HDAC4: variants seen among roughly 807,000 people sequenced by gnomAD.
HDAC4 encodes the protein histone deacetylase A.
Under a neutral mutation model 135.1 loss-of-function variants are expected in HDAC4, and 16 were observed. The ratio of observed to expected loss-of-function variants is 0.12; its 90% CI spans 0.08 to 0.18. The LOEUF is 0.18. HDAC4 is among the 10% of genes least tolerant of loss of function. The pLI, the probability that HDAC4 is intolerant of heterozygous loss-of-function variation, is 1.00. For synonymous variants in HDAC4, 685 were observed against 653.4 expected, an observed-to-expected ratio of 1.05 and a Z score of -0.74; for missense variants, 1,143 against 1,511.8, an observed-to-expected ratio of 0.76 and a Z score of 4.05.
chr2:239,254,765 A>G (rs2048966308), intron 2 of HDAC4, among the ~76,000 whole-genome samples: 3 of 152,270 alleles, frequency 2.0e-5, no homozygotes, highest in African/African-American at 4.8e-5. Context: ...GAATTCAGAC[A>G]TAACAGTCCT....
At position 239,115,135 on chromosome 2, in the gene HDAC4, C is replaced by T. The variant is rs755099622; in HGVS notation, c.1709G>A (p.Ser570Asn). 16 of 1,611,814 alleles carry T rather than the reference C, an allele frequency of 9.9e-6. No homozygotes were observed. Among genetic ancestry groups the T allele is most frequent in the Admixed American group, 3.3e-5 (2 of 60,006 alleles). ...GVQVKQEPIE[S>N]DEEEAEPPRE... ...TGGGGGCTCTGCCTCTTCCTCATCG[C>T]TCTCAATGGGCTCCTGCTTCACCTG... The change falls in exon 13 of 27, where the codon AGC becomes AAC. Residue 570 changes from serine (S) to asparagine (N), a missense_variant. Physicochemically the swap from Ser to Asn is conservative, Grantham distance 46 (BLOSUM62 1). Around this residue, in one of 9 missense-constraint regions of HDAC4, gnomAD observed 196 missense variants for 210.7 expected, o/e 0.93. Coordinates refer to ENST00000543185, the MANE Select transcript of HDAC4 (RefSeq NM_001378414.1). This position sits in a 1 kb window ranked among gnomAD's most constrained non-coding sequence, Gnocchi z 6.3.
chr2:239,181,421 C>T (rs556811523), intron 4 of HDAC4, among the ~76,000 whole-genome samples: 6 of 152,346 alleles, frequency 3.9e-5, no homozygotes, highest in African/African-American at 1.4e-4. Context: ...AGAGGGGGCA[C>T]CCACCACGCC....
At chr2:239,067,816 C>A (rs1223857525) in intron 23 of HDAC4, among the ~76,000 whole-genome samples, 1 of 152,230 alleles carries the variant, frequency 6.6e-6, no homozygotes, top group Non-Finnish European at 1.5e-5. Flanking sequence ...GGGCCATACA[C>A]TGTGGACGCT....
Position 239,090,431 on chromosome 2 carries a change from C to CT in HDAC4, c.2281-316dup, listed in dbSNP as rs76486832. ...TAATGATGTCAAGGTGATCTATTTC[C>CT]TTTTTTTTTTTTTTTTTTTTAACTG... On this transcript the variant is annotated intron_variant, in intron 17 of 26. Coordinates refer to ENST00000543185, the MANE Select transcript of HDAC4 (RefSeq NM_001378414.1). Among the ~76,000 whole-genome samples the CT allele has an allele frequency of 3.2e-3, 429 of 132,574 alleles. 6 individuals carry two copies. Among genetic ancestry groups the CT allele is most frequent in the East Asian group, 5.6e-3 (26 of 4,622 alleles). 87.0% of individuals were successfully genotyped at this position (132,574 alleles called of 152,430 possible).
In HDAC4 at chr2:239,374,386, C is replaced by CGCTTTT. The variant is rs1694847282; in HGVS notation, c.-219-21469_-219-21468insAAAAGC. Among the ~76,000 whole-genome samples the CGCTTTT allele has an allele frequency of 1.4e-4, 8 of 56,666 alleles. 1 individual carries two copies. The highest frequency in any genetic ancestry group is 5.5e-4 in the African/African-American group (7 of 12,774). The allele number at this position is 56,666 out of a possible 152,430, so 37.2% of individuals were successfully genotyped here. A position where few individuals can be genotyped will look rare whatever the true frequency, so the allele number is the denominator to read the frequency against. ...CACCCCAGATGAATAGAAAACAAGGCTTTTTTTTTTTTTTTTTTTTTTTTT... is the reference window on the plus strand; with the variant it reads ...CACCCCAGATGAATAGAAAACAAGGCGCTTTTTTTTTTTTTTTTTTTTTTTTTTTTT... On this transcript the variant is annotated intron_variant, in intron 1 of 26. Coordinates refer to ENST00000543185, the MANE Select transcript of HDAC4 (RefSeq NM_001378414.1).
intron 22 of HDAC4, among the ~76,000 whole-genome samples, chr2:239,077,926 G>T (rs1198207248): frequency 6.6e-6 from 1 of 152,212 alleles, no homozygotes; most frequent in Non-Finnish European, 1.5e-5. Flanking sequence ...TCAATTTCAA[G>T]GCTAATGCCA....
intron 1 of HDAC4, among the ~76,000 whole-genome samples, chr2:239,357,057 C>T (rs755822174): frequency 6.6e-6 from 1 of 152,138 alleles, no homozygotes; most frequent in African/African-American, 2.4e-5. Context: ...CCATAAACAA[C>T]GGCTGAATAC....
Position 239,357,907 on chromosome 2 carries a change from AAAAAAAAAAAG to A in HDAC4, c.-219-5000_-219-4990del, listed in dbSNP as rs1443329169. Among the ~76,000 whole-genome samples, 101 of 111,782 alleles carry A rather than the reference AAAAAAAAAAAG, an allele frequency of 9.0e-4. 2 individuals are homozygous for A. In the East Asian group the frequency reaches 0.03, roughly 34 times the overall value. The allele number at this position is 111,782 out of a possible 152,430, so 73.3% of individuals were successfully genotyped here. On this transcript the variant is annotated intron_variant, in intron 1 of 26. Coordinates refer to ENST00000543185, the MANE Select transcript of HDAC4 (RefSeq NM_001378414.1). ...CTGTTCCAAAAAAAAAAAAAAAAAA[AAAAAAAAAAAG>A]AGAGTGGGAATTAACTACAGATTGC...
At chr2:239,127,271 C>A (rs570908330) in intron 11 of HDAC4, among the ~76,000 whole-genome samples, 6 of 152,266 alleles carry the variant, frequency 3.9e-5, no homozygotes, top group African/African-American at 1.4e-4. Context: ...TTGTCAAAAC[C>A]CCTTTCTGAA....
intron 2 of HDAC4, among the ~76,000 whole-genome samples, chr2:239,311,422 G>A (rs2052871476): frequency 6.6e-6 from 1 of 152,218 alleles, no homozygotes; most frequent in African/African-American, 2.4e-5. Context: ...GCCGGCGTCA[G>A]CTGTTCTGAT....
At chr2:239,138,000 C>G (rs1305705009) in intron 9 of HDAC4, among the ~76,000 whole-genome samples, 1 of 152,224 alleles carries the variant, frequency 6.6e-6, no homozygotes, top group Non-Finnish European at 1.5e-5. Context: ...CCAATATTAA[C>G]TACCATGTAC....
rs1391806908 is a variant in HDAC4 at position 239,219,182 on chromosome 2, C to T, written c.94+17411G>A. 3.3e-4 allele frequency among the ~76,000 whole-genome samples: 50 copies of T among 150,098 alleles called. No homozygotes were observed. In the South Asian group the frequency reaches 8.9e-3, roughly 27 times the overall value. On this transcript the variant is annotated intron_variant, in intron 3 of 26. Transcript: ENST00000543185. Reference sequence around the variant, plus strand: ...GACACATGCACACGTATGTTTATTGCGGCACTATTCACAATAGCAAAGACT... The same window carrying T: ...GACACATGCACACGTATGTTTATTGTGGCACTATTCACAATAGCAAAGACT...
chr2:239,222,176 C>T (rs3791610), intron 3 of HDAC4, among the ~76,000 whole-genome samples: 84,596 of 151,980 alleles, frequency 0.56, 25,346 homozygotes, highest in South Asian at 0.78. Context: ...ATGTTATTCT[C>T]GTGGAATTCC....
At chr2:239,183,714 G>GC (rs988563639) in intron 4 of HDAC4, among the ~76,000 whole-genome samples, 1 of 152,166 alleles carries the variant, frequency 6.6e-6, no homozygotes, top group Non-Finnish European at 1.5e-5. Flanking sequence ...CCTGCCCCCT[G>GC]CCTCCCCACC....
intron 1 of HDAC4, among the ~76,000 whole-genome samples, chr2:239,357,404 A>G (rs1411630858): frequency 6.6e-6 from 1 of 152,014 alleles, no homozygotes; most frequent in Non-Finnish European, 1.5e-5. Flanking sequence ...CAATGACCTT[A>G]GGTTTCACCT....
intron 3 of HDAC4, among the ~76,000 whole-genome samples, chr2:239,220,492 A>G (rs2046886527): frequency 6.6e-6 from 1 of 152,248 alleles, no homozygotes; most frequent in South Asian, 2.1e-4. Flanking sequence ...TCTAGGCAGA[A>G]GCGATAAAGC....
chr2:239,084,076 C>T, intron 20 of HDAC4, 79 bp downstream of exon 20: 1 of 987,474 alleles, frequency 1.0e-6, no homozygotes, highest in Non-Finnish European at 1.6e-6. Flanking sequence ...AGCCCAGCTC[C>T]TCTGTCCACA....
intron 24 of HDAC4, among the ~76,000 whole-genome samples, chr2:239,062,568 G>A (rs563429659): frequency 8.5e-5 from 13 of 152,236 alleles, no homozygotes; most frequent in Non-Finnish European, 1.9e-4. Flanking sequence ...AACAGGCCAC[G>A]GCTGAAAGCG....
At position 239,134,328 on chromosome 2, in the gene HDAC4, C is replaced by T. The variant is rs763555695; in HGVS notation, c.1211G>A (p.Arg404Gln). The change falls in exon 11 of 27, where the codon CGG (arginine) becomes CAG (glutamine). Residue 404 changes from arginine (R) to glutamine (Q), a missense_variant. Arg to Gln is a conservative substitution (Grantham distance 43). Around this residue, in one of 9 missense-constraint regions of HDAC4, gnomAD observed 272 missense variants for 309.7 expected, o/e 0.88. Transcript: ENST00000543185. ...TPYLSTSPLE[R>Q]DGGAAHSPLL... ...AGGGCTGTGCGCTGCCCCTCCGTCC[C>T]GCTCCAAGGGCGAGGTGCTCAGGTA... 6.2e-6 allele frequency: 10 copies of T among 1,613,896 alleles called. No individual in the cohort carries two copies. Among genetic ancestry groups the T allele is most frequent in the Admixed American group, 3.3e-5 (2 of 60,010 alleles).
Sources: gnomAD v4.1 joint callset for allele counts (sites outside exome capture counted in the v4.1 genomes callset) on GRCh38, gnomAD v4.1.1 for gene constraint, gnomAD v4.1.1 regional missense constraint, Gnocchi (gnomAD v3.1) non-coding constraint, MANE v1.5 for transcripts, NCBI Gene and HGNC (gene_info 2026-07-23, HGNC 2026-07-21) for gene names.